Variants in SMAGP observed in about 807,000 individuals in gnomAD.
SMAGP encodes the protein small cell adhesion glycoprotein.
In SMAGP, 7 loss-of-function variants were observed where a neutral mutation model predicts 10.1. That is an observed-to-expected ratio of 0.70 (90% CI 0.40 to 1.31). The LOEUF is 1.31. SMAGP is among the 50% of genes most tolerant of loss of function. The pLI is 0.01. For missense variants in SMAGP, 113 were observed against 116.5 expected (o/e 0.97, Z 0.14); for synonymous variants, 49 against 47.2 (o/e 1.04, Z -0.16).
rs1449597714 is a variant in SMAGP, at chr12:51,270,245, C to T, written c.-39+11G>A. 2.0e-5 allele frequency: 3 copies of T among 153,444 alleles called. No individual in the cohort carries two copies. The Admixed American group carries it at 2.0e-4, about 10-fold the overall frequency. 9.5% of individuals were successfully genotyped at this position (153,444 alleles called of 1,614,324 possible). On this transcript the variant is annotated intron_variant, in intron 1 of 3. Transcript: ENST00000603798. ...GGCTCTCCGGCGCCCCCGCCCTTCC[C>T]TCGTGCTCACCTTTCCAGTCGGACG...
intron 2 of SMAGP, among the ~76,000 whole-genome samples, chr12:51,258,983 CCAAAAAAAAAAA>C (rs1944909734): frequency 2.5e-5 from 1 of 39,838 alleles, no homozygotes; most frequent in Admixed American, 3.4e-4. Context: ...CCTGTCTCTA[CCAAAAAAAAAAA>C]AAAAAAAAAA....
At chr12:51,250,124 C>G (rs566506486) in intron 2 of SMAGP, among the ~76,000 whole-genome samples, 1 of 147,704 alleles carries the variant, frequency 6.8e-6, no homozygotes, top group Non-Finnish European at 1.5e-5. Context: ...AATCCCAGCA[C>G]TTTGGGAGAC....
chr12:51,251,272 TG>T (rs1462948239), intron 2 of SMAGP, among the ~76,000 whole-genome samples: 1 of 151,912 alleles, frequency 6.6e-6, no homozygotes, highest in Non-Finnish European at 1.5e-5. Context: ...CATCTCTATT[TG>T]TTTTTTAAAA....
At chr12:51,251,829 A>G (rs775141497) in intron 2 of SMAGP, among the ~76,000 whole-genome samples, 8 of 152,160 alleles carry the variant, frequency 5.3e-5, no homozygotes, top group Non-Finnish European at 1.2e-4. Flanking sequence ...CCCTAGAACC[A>G]AAAGAGGTTC....
At chr12:51,255,848 T>C (rs944112486) in intron 2 of SMAGP, among the ~76,000 whole-genome samples, 13 of 152,168 alleles carry the variant, frequency 8.5e-5, no homozygotes, top group Non-Finnish European at 1.8e-4. Flanking sequence ...CTCAGCTTAT[T>C]GCAGCCTCCG....
intron 2 of SMAGP, among the ~76,000 whole-genome samples, chr12:51,263,541 C>A (rs1944947343): frequency 6.6e-6 from 1 of 152,014 alleles, no homozygotes; most frequent in Admixed American, 6.6e-5. Flanking sequence ...TCACCTGAGG[C>A]CAGGAGTTTG....
chr12:51,248,639 C>T (rs534545457), intron 2 of SMAGP, among the ~76,000 whole-genome samples: 2 of 152,280 alleles, frequency 1.3e-5, no homozygotes, highest in African/African-American at 4.8e-5. Context: ...TAATCTTCCT[C>T]TGCCTTTCCC....
chr12:51,266,660 G>A lies in SMAGP; in HGVS notation c.34+2585C>T, dbSNP rs1944977618. On this transcript the variant is annotated intron_variant, in intron 2 of 3. Transcript: ENST00000603798. The stretch of plus-strand genomic sequence containing the variant: ...GCTTTATCATAAGTATGTATGTACA[G>A]GAAAAAACACAGTATAGATGGGGTT... Among the ~76,000 whole-genome samples the A allele has an allele frequency of 2.0e-5, 3 of 152,076 alleles. No homozygotes were observed. The South Asian group carries it at 6.2e-4, about 32-fold the overall frequency.
At chr12:51,254,894 C>T (rs571665285) in intron 2 of SMAGP, among the ~76,000 whole-genome samples, 8 of 152,210 alleles carry the variant, frequency 5.3e-5, no homozygotes, top group East Asian at 1.9e-4. Flanking sequence ...GTGGGAGTAA[C>T]GGGGAGAGGA....
At chr12:51,264,723 G>A (rs2137310254) in intron 2 of SMAGP, among the ~76,000 whole-genome samples, 1 of 151,656 alleles carries the variant, frequency 6.6e-6, no homozygotes, top group South Asian at 2.1e-4. Context: ...CCTGAGCTCA[G>A]GAGTTTGAGA....
At chr12:51,253,119 C>T (rs906456785) in intron 2 of SMAGP, among the ~76,000 whole-genome samples, 4 of 152,086 alleles carry the variant, frequency 2.6e-5, no homozygotes, top group Admixed American at 6.6e-5. Context: ...CACACTATTA[C>T]GGCCTGTTTG....
intron 2 of SMAGP, among the ~76,000 whole-genome samples, chr12:51,252,601 G>A (rs1944848838): frequency 6.6e-6 from 1 of 151,894 alleles, no homozygotes; most frequent in Non-Finnish European, 1.5e-5. Context: ...ATGTTGGCCA[G>A]GCTGGTCTCA....
intron 2 of SMAGP, among the ~76,000 whole-genome samples, chr12:51,255,174 T>C (rs996872906): frequency 1.3e-5 from 2 of 152,118 alleles, no homozygotes; most frequent in Non-Finnish European, 2.9e-5. Flanking sequence ...TAGCTGGGAA[T>C]ACAAGCGTGC....
At chr12:51,267,680 A>C (rs1944988398) in intron 2 of SMAGP, among the ~76,000 whole-genome samples, 1 of 151,876 alleles carries the variant, frequency 6.6e-6, no homozygotes, top group African/African-American at 2.4e-5. Flanking sequence ...TTTTTTGTAG[A>C]GATGGGGTTT....
At chr12:51,257,558 T>G (rs1320884656) in intron 2 of SMAGP, among the ~76,000 whole-genome samples, 2 of 151,840 alleles carry the variant, frequency 1.3e-5, no homozygotes, top group South Asian at 4.2e-4. Flanking sequence ...ATACATTTTT[T>G]TTTTTTGAGA....
rs1320710730 is a variant in SMAGP at position 51,265,886 on chromosome 12, T to G, written c.34+3359A>C. Among the ~76,000 whole-genome samples, 4 of 152,050 alleles carry G rather than the reference T, an allele frequency of 2.6e-5. No homozygotes were observed. The East Asian group carries it at 7.7e-4, about 29-fold the overall frequency. Reference sequence around the variant, plus strand: ...TCACGAGGTCAGGAGATCAAGACCATCCTGGCTAACACGGTGAAACCCCGT... The same window carrying G: ...TCACGAGGTCAGGAGATCAAGACCAGCCTGGCTAACACGGTGAAACCCCGT... On this transcript the variant is annotated intron_variant, in intron 2 of 3. Transcript: ENST00000603798.
intron 2 of SMAGP, among the ~76,000 whole-genome samples, chr12:51,262,439 C>A (rs181202820): frequency 3.3e-5 from 5 of 152,188 alleles, no homozygotes; most frequent in African/African-American, 1.2e-4. Context: ...TGTGATTGAG[C>A]CACTGCTCTA....
chr12:51,267,353 C>T (rs768197083), intron 2 of SMAGP, among the ~76,000 whole-genome samples: 3 of 151,998 alleles, frequency 2.0e-5, no homozygotes, highest in Non-Finnish European at 4.4e-5. Context: ...AGGTATTCTA[C>T]GTTTCTCTAA....
At chr12:51,247,986 T>TAAGAGGG in intron 2 of SMAGP, among the ~76,000 whole-genome samples, 1 of 151,726 alleles carries the variant, frequency 6.6e-6, no homozygotes, top group Admixed American at 6.6e-5. Flanking sequence ...GGGGTAAGAG[T>TAAGAGGG]TTACCGGGTA....
Sources: allele counts gnomAD v4.1 joint callset (sites outside exome capture counted in the v4.1 genomes callset), GRCh38; gene constraint gnomAD v4.1.1; transcripts MANE v1.5; gene names NCBI Gene and HGNC (gene_info 2026-07-23, HGNC 2026-07-21).